The following VASP variants were observed in gnomAD, a reference collection of about 807,000 sequenced individuals.
VASP encodes vasodilator stimulated phosphoprotein, also known as vasodilator-stimulated phosphoprotein.
A neutral mutation model predicts 54.4 loss-of-function variants in VASP; 27 were observed. The ratio of observed to expected loss-of-function variants is 0.50; its 90% CI spans 0.37 to 0.68. VASP has a LOEUF of 0.68. Ranked by LOEUF, VASP falls within the 30% of genes least tolerant of loss-of-function variation. The probability of loss-of-function intolerance (pLI) is 0.00; values close to 1 mark genes in which losing one functional copy is unlikely to be tolerated. For synonymous variants in VASP, 233 were observed against 209.8 expected (o/e 1.11, Z -0.96); for missense variants, 488 against 528.3 (o/e 0.92, Z 0.75).
chr19:45,507,680 G>A lies in VASP; in HGVS notation c.-92G>A, dbSNP rs1374455527. On this transcript the variant is annotated 5_prime_UTR_variant, in exon 1 of 13. Coordinates refer to ENST00000245932, the MANE Select transcript of VASP (RefSeq NM_003370.4). This position sits in a 1 kb window ranked among gnomAD's most constrained non-coding sequence, Gnocchi z 4.4. ...GGGACCCTGGGGGAGCCTGAGCCGA[G>A]CCCGGAGCCAGCCCCGAACCCCTGA... The A allele has an allele frequency of 6.7e-7, 1 of 1,484,946 alleles. No individual in the cohort carries two copies. Among genetic ancestry groups the A allele is most frequent in the Non-Finnish European group, 9.0e-7 (1 of 1,112,444 alleles). 92.0% of individuals were successfully genotyped at this position (1,484,946 alleles called of 1,614,324 possible).
intron 7 of VASP, 24 bp from the exon 8 acceptor site, chr19:45,523,620 T>C: frequency 6.2e-7 from 1 of 1,613,596 alleles, no homozygotes; most frequent in Non-Finnish European, 8.5e-7. Flanking sequence ...CGGAAGCACG[T>C]GTTTTTGCTT....
chr19:45,525,756 C>CTA (rs893130843), intron 11 of VASP, 190 bp from the exon 12 acceptor site: 25 of 539,168 alleles, frequency 4.6e-5, no homozygotes, highest in African/African-American at 3.4e-4. Flanking sequence ...GTGGTCCCAG[C>CTA]TACTTGGGAG....
At chr19:45,524,048 G>A (rs767687155) in intron 9 of VASP, 49 bp from the exon 10 acceptor site, 1 of 1,613,050 alleles carries the variant, frequency 6.2e-7, no homozygotes, top group Admixed American at 1.7e-5. Flanking sequence ...AGATTGATTG[G>A]GGGGCAGTCT....
intron 4 of VASP, among the ~76,000 whole-genome samples, 168 bp downstream of exon 4, chr19:45,521,574 G>A (rs1404935353): frequency 6.6e-6 from 1 of 152,208 alleles, no homozygotes; most frequent in Non-Finnish European, 1.5e-5. Flanking sequence ...CAGATTCCTG[G>A]AAATCAGAAT....
chr19:45,522,354 C>A lies in VASP; in HGVS notation c.493C>A (p.Pro165Thr). The A allele has an allele frequency of 6.3e-7, 1 of 1,584,744 alleles. No individual in the cohort carries two copies. The highest frequency in any genetic ancestry group is 8.6e-7 in the Non-Finnish European group (1 of 1,165,864). ...RVSNAGGPPA[P>T]PAGGPPPPPG... ...GTTTGTTTCAGGAGGCCCACCTGCTCCCCCCGCTGGGGGTCCACCCCCACC... is the reference window on the plus strand; with the variant it reads ...GTTTGTTTCAGGAGGCCCACCTGCTACCCCCGCTGGGGGTCCACCCCCACC... The change falls in exon 6 of 13, where the codon CCC becomes ACC. Residue 165 changes from proline (P) to threonine (T), a missense_variant. Around this residue, in one of 4 missense-constraint regions of VASP, gnomAD observed 226 missense variants for 196.0 expected, o/e 1.15. Coordinates refer to ENST00000245932, the MANE Select transcript of VASP (RefSeq NM_003370.4).
intron 1 of VASP, among the ~76,000 whole-genome samples, chr19:45,516,967 G>C (rs1393716779): frequency 2.3e-5 from 2 of 88,156 alleles, no homozygotes; most frequent in East Asian, 4.8e-4. Flanking sequence ...CCGGGTGACA[G>C]AGTAAGACTC....
chr19:45,521,547 G>C (rs1968834457), intron 4 of VASP, 141 bp downstream of exon 4: 1 of 732,394 alleles, frequency 1.4e-6, no homozygotes, highest in Admixed American at 3.1e-5. Context: ...CAGAGTTGCA[G>C]AACCTCCTGG....
rs1257769739 is a variant in VASP at position 45,521,400 on chromosome 19, A to G, written c.422A>G (p.Gln141Arg). Residue 141 changes from glutamine to arginine, a missense_variant, in exon 4 of 13, where the codon CAG (glutamine) becomes CGG (arginine). Physicochemically the swap from Gln to Arg is conservative, Grantham distance 43. Coordinates refer to ENST00000245932, the MANE Select transcript of VASP (RefSeq NM_003370.4). Reference protein sequence around the residue: ...NGPSPEEVEQQKRQQPGPSEH... With the variant: ...NGPSPEEVEQRKRQQPGPSEH... ...CCCTCCCCGGAGGAGGTGGAGCAGCAGAAAAGGTGGGGCTGGGCCCTGGGT... is the reference window on the plus strand; with the variant it reads ...CCCTCCCCGGAGGAGGTGGAGCAGCGGAAAAGGTGGGGCTGGGCCCTGGGT... 1.3e-6 allele frequency: 2 copies of G among 1,565,874 alleles called. No homozygotes were observed. The highest frequency in any genetic ancestry group is 1.7e-6 in the Non-Finnish European group (2 of 1,155,466).
At chr19:45,510,630 G>A (rs981024641) in intron 1 of VASP, among the ~76,000 whole-genome samples, 3 of 152,096 alleles carry the variant, frequency 2.0e-5, no homozygotes, top group Admixed American at 6.6e-5. Flanking sequence ...GTTAGGCAAG[G>A]TGCCTATTAA....
intron 1 of VASP, among the ~76,000 whole-genome samples, chr19:45,513,090 T>C (rs1968632351): frequency 1.3e-5 from 2 of 152,204 alleles, no homozygotes; most frequent in African/African-American, 2.4e-5. Context: ...GTGCCTGCAA[T>C]TCCCCCTTGT....
intron 3 of VASP, among the ~76,000 whole-genome samples, chr19:45,518,761 C>T (rs1968762707): frequency 6.6e-6 from 1 of 152,000 alleles, no homozygotes. Context: ...ACCTCCTGGG[C>T]TCAAGTGATC....
chr19:45,516,273 C>T (rs1219445657), intron 1 of VASP, among the ~76,000 whole-genome samples: 9 of 152,218 alleles, frequency 5.9e-5, no homozygotes, highest in Admixed American at 5.9e-4. Context: ...CCAGCCCCAC[C>T]CAATATAGGC....
At chr19:45,523,994 C>T in intron 9 of VASP, 103 bp from the exon 10 acceptor site, 1 of 1,610,082 alleles carries the variant, frequency 6.2e-7, no homozygotes, top group East Asian at 2.2e-5. Context: ...TTGTAGTCTC[C>T]TGAGATGGGG....
chr19:45,517,439 C>T (rs1293367323), intron 1 of VASP, among the ~76,000 whole-genome samples: 1 of 151,814 alleles, frequency 6.6e-6, no homozygotes, highest in Non-Finnish European at 1.5e-5. Context: ...TTTCCCACCT[C>T]TCTCTGCGTC....
At position 45,525,859 on chromosome 19, in the gene VASP, G is replaced by C. The variant is rs985720288; in HGVS notation, c.1048-87G>C. 58 of 1,356,280 alleles carry C rather than the reference G, an allele frequency of 4.3e-5. No homozygotes were observed. In the African/African-American group the frequency reaches 6.6e-4, roughly 15 times the overall value. The allele number at this position is 1,356,280 out of a possible 1,614,324, so 84.0% of individuals were successfully genotyped here. A position where few individuals can be genotyped will look rare whatever the true frequency, so the allele number is the denominator to read the frequency against. ...ACCCTAGCCTGGGCAACAGAGCAAGGTTCCTTCTCAAAAAATAAAAGAAGG... is the reference window on the plus strand; with the variant it reads ...ACCCTAGCCTGGGCAACAGAGCAAGCTTCCTTCTCAAAAAATAAAAGAAGG... On this transcript the variant is annotated intron_variant, in intron 11 of 12. Coordinates refer to ENST00000245932, the MANE Select transcript of VASP (RefSeq NM_003370.4).
At chr19:45,508,409 C>G (rs184507163) in intron 1 of VASP, among the ~76,000 whole-genome samples, 380 of 152,290 alleles carry the variant, frequency 2.5e-3, no homozygotes, top group Non-Finnish European at 4.3e-3. Context: ...TGGGACCCCC[C>G]CCTTCCCCGT....
At chr19:45,519,597 T>C (rs1391101937) in intron 3 of VASP, among the ~76,000 whole-genome samples, 1 of 53,272 alleles carries the variant, frequency 1.9e-5, no homozygotes, top group Non-Finnish European at 5.2e-5. Context: ...GCCCAGTTGC[T>C]TTTTTTTTTT....
intron 3 of VASP, among the ~76,000 whole-genome samples, chr19:45,520,912 C>T (rs748185668): frequency 2.0e-5 from 3 of 152,152 alleles, no homozygotes; most frequent in Non-Finnish European, 4.4e-5. Flanking sequence ...TGTGGTGAGC[C>T]GTGATTGCAC....
chr19:45,523,665 G>A lies in VASP; in HGVS notation c.843G>A (p.Gly281=). The change falls in exon 8 of 13, where the codon GGG becomes GGA. Residue 281 remains glycine (G), a synonymous_variant. Transcript: ENST00000245932. ...GCAGAAGGAAAGCCACGCAAGTTGG[G>A]GAGAAAACCCCCAAGGATGAATCTG... The part of the protein sequence containing the change: ...LARRRKATQV[G]EKTPKDESAN... The A allele has an allele frequency of 6.2e-7, 1 of 1,614,094 alleles. No homozygotes were observed. The highest frequency in any genetic ancestry group is 8.5e-7 in the Non-Finnish European group (1 of 1,180,024).
Sources: allele counts gnomAD v4.1 joint callset (sites outside exome capture counted in the v4.1 genomes callset), GRCh38; gene constraint gnomAD v4.1.1; regional missense constraint gnomAD v4.1.1; non-coding constraint Gnocchi (gnomAD v3.1); transcripts MANE v1.5; gene names NCBI Gene and HGNC (gene_info 2026-07-23, HGNC 2026-07-21).